The following CSKMT variants were observed in gnomAD, a reference collection of about 807,000 sequenced individuals.
CSKMT encodes the protein citrate synthase lysine methyltransferase.
A neutral mutation model predicts 4.6 loss-of-function variants in CSKMT; 6 were observed. That is an observed-to-expected ratio of 1.31 (90% CI 0.72 to 2.59). CSKMT has a LOEUF of 2.59. CSKMT is among the 30% of genes most tolerant of loss of function. The pLI is 0.00. For missense variants in CSKMT, 328 were observed against 298.0 expected, an observed-to-expected ratio of 1.10 and a Z score of -0.74; for synonymous variants, 142 against 128.9, an observed-to-expected ratio of 1.10 and a Z score of -0.69.
At position 62,667,864 on chromosome 11, in the gene CSKMT, G is replaced by A. The variant is rs995704357; in HGVS notation, c.*813G>A. ...ACAGCACTTTGGGAGGCCAAGGTGG[G>A]CAGATTGCTTGAGCCCTGGCAATAA... On this transcript the variant is annotated 3_prime_UTR_variant, in exon 3 of 3. Transcript: ENST00000532971. 6.9e-6 allele frequency: 5 copies of A among 719,950 alleles called. No homozygotes were observed. The highest frequency in any genetic ancestry group is 1.8e-5 in the African/African-American group (1 of 56,250). 44.6% of individuals were successfully genotyped at this position (719,950 alleles called of 1,614,324 possible). A position where few individuals can be genotyped will look rare whatever the true frequency, so the allele number is the denominator to read the frequency against.
In CSKMT at chr11:62,667,400, A is replaced by T. The variant is rs1422679231; in HGVS notation, c.*349A>T. On this transcript the variant is annotated 3_prime_UTR_variant, in exon 3 of 3. Transcript: ENST00000532971. Reference sequence around the variant, plus strand: ...AACCCCTGCGCTGACTGACTTGTATAATCTAGTGGCCTAACCTGTAAGCCT... The same window carrying T: ...AACCCCTGCGCTGACTGACTTGTATTATCTAGTGGCCTAACCTGTAAGCCT... 1 of 975,180 alleles carries T rather than the reference A, an allele frequency of 1.0e-6. No individual in the cohort carries two copies. Among genetic ancestry groups the T allele is most frequent in the Non-Finnish European group, 1.6e-6 (1 of 626,706 alleles). 60.4% of individuals were successfully genotyped at this position (975,180 alleles called of 1,614,324 possible).
chr11:62,666,309 C>T (rs77103448), intron 2 of CSKMT, 87 bp from the exon 3 acceptor site: 17 of 1,213,428 alleles, frequency 1.4e-5, no homozygotes, highest in East Asian at 5.1e-5. Context: ...GACCCTGTCT[C>T]AAAAAAAAAA....
intron 2 of CSKMT, 21 bp downstream of exon 2, chr11:62,665,967 TGGAGAGGGCAA>T (rs1258348108): frequency 2.5e-6 from 4 of 1,596,450 alleles, no homozygotes; most frequent in Admixed American, 3.4e-5. Flanking sequence ...GGGGGCAGAG[TGGAGAGGGCAA>T]GGTGGGGGCA....
intron 2 of CSKMT, 56 bp from the exon 3 acceptor site, chr11:62,666,340 C>T (rs1040476719): frequency 5.1e-6 from 8 of 1,565,230 alleles, no homozygotes; most frequent in African/African-American, 4.0e-5. Context: ...TGTGTATATA[C>T]GACGTTTTTG....
Position 62,665,330 on chromosome 11 carries a change from C to A in CSKMT, c.-236C>A, listed in dbSNP as rs117359740. On this transcript the variant is annotated splice_region_variant and 5_prime_UTR_variant, in exon 1 of 3. Transcript: ENST00000532971. ...GGGAGGCCTTTCGGAGGGTGGTGAG[C>A]TAGTAAGTGTGGTTTTAGCTGTAGT... 4.4e-3 allele frequency: 3,247 copies of A among 744,546 alleles called. 140 individuals carry two copies. In the East Asian group the frequency reaches 0.073, roughly 17 times the overall value. The allele number at this position is 744,546 out of a possible 1,614,324, so 46.1% of individuals were successfully genotyped here.
At chr11:62,666,181 A>G (rs1338026815) in intron 2 of CSKMT, 3 of 710,512 alleles carry the variant, frequency 4.2e-6, no homozygotes, top group East Asian at 2.7e-5. Flanking sequence ...GACCCTGTCT[A>G]CAAAAAAAAT....
rs763430769 is a variant in CSKMT, at chr11:62,667,437, C to T, written c.*386C>T. 2.1e-6 allele frequency: 3 copies of T among 1,401,648 alleles called. No homozygotes were observed. In the East Asian group the frequency reaches 6.9e-5, roughly 32 times the overall value. 86.8% of individuals were successfully genotyped at this position (1,401,648 alleles called of 1,614,324 possible). On this transcript the variant is annotated 3_prime_UTR_variant, in exon 3 of 3. Transcript: ENST00000532971. ...TAACCTGTAAGCCTCATTTTTGTCA[C>T]CTGTAAAAGGAGATTGTAAGAGGAT...
rs751155890 is a variant in CSKMT at position 62,666,425 on chromosome 11, C to T, written c.97C>T (p.Arg33Cys). The change falls in exon 3 of 3, where the codon CGC (arginine) becomes TGC (cysteine). Residue 33 changes from arginine to cysteine, a missense_variant. Arg to Cys is a radical substitution (Grantham distance 180). Coordinates refer to ENST00000532971, the MANE Select transcript of CSKMT (RefSeq NM_001043229.2). The stretch of plus-strand genomic sequence containing the variant: ...ACTGGCTGATAGTTGCCTGGCGGAC[C>T]GCTGTCTCTGGGATCGGCTGCATGC... Reference protein sequence around the residue: ...GSLADSCLADRCLWDRLHAQP... With the variant: ...GSLADSCLADCCLWDRLHAQP... The T allele has an allele frequency of 1.6e-5, 25 of 1,611,802 alleles. No individual in the cohort carries two copies. The highest frequency in any genetic ancestry group is 6.7e-5 in the Admixed American group (4 of 59,998).
chr11:62,665,443 C>T, intron 1 of CSKMT, 111 bp downstream of exon 1: 2 of 1,552,266 alleles, frequency 1.3e-6, no homozygotes, highest in Non-Finnish European at 1.7e-6. Context: ...TGGCGGGGAT[C>T]GGGCTTGTGG....
chr11:62,667,137 G>C lies in CSKMT; in HGVS notation c.*86G>C. Reference sequence around the variant, plus strand: ...TCTTTGCAAGCTATCTGGCTGCAAAGTGAGAATTTGAGTCCTGGCTTCCAC... The same window carrying C: ...TCTTTGCAAGCTATCTGGCTGCAAACTGAGAATTTGAGTCCTGGCTTCCAC... On this transcript the variant is annotated 3_prime_UTR_variant, in exon 3 of 3. Transcript: ENST00000532971. 1 of 1,388,672 alleles carries C rather than the reference G, an allele frequency of 7.2e-7. No homozygotes were observed. The highest frequency in any genetic ancestry group is 9.8e-7 in the Non-Finnish European group (1 of 1,022,070). 86.0% of individuals were successfully genotyped at this position (1,388,672 alleles called of 1,614,324 possible).
rs1205812843 is a variant in CSKMT, at chr11:62,666,871, A to G, written c.543A>G (p.Leu181=). The G allele has an allele frequency of 1.9e-6, 3 of 1,614,156 alleles. No individual in the cohort carries two copies. Among genetic ancestry groups the G allele is most frequent in the Non-Finnish European group, 2.5e-6 (3 of 1,180,042 alleles). ...GTCTGCCTAGGGCTTACCAGCTTCT[A>G]TCAGAATGCTTGAGGGTTCTAAACC... ...RGGLPRAYQL[L]SECLRVLNPQ... Residue 181 remains leucine (L), a synonymous_variant, in exon 3 of 3, where the codon CTA becomes CTG. Coordinates refer to ENST00000532971, the MANE Select transcript of CSKMT (RefSeq NM_001043229.2).
In CSKMT at chr11:62,667,978, G is replaced by A. The variant is rs1944864199; in HGVS notation, c.*927G>A. 3 of 456,134 alleles carry A rather than the reference G, an allele frequency of 6.6e-6. No individual in the cohort carries two copies. Among genetic ancestry groups the A allele is most frequent in the Non-Finnish European group, 1.2e-5 (3 of 253,192 alleles). The allele number at this position is 456,134 out of a possible 1,614,324, so 28.3% of individuals were successfully genotyped here. A position where few individuals can be genotyped will look rare whatever the true frequency, so the allele number is the denominator to read the frequency against. On this transcript the variant is annotated 3_prime_UTR_variant, in exon 3 of 3. Coordinates refer to ENST00000532971, the MANE Select transcript of CSKMT (RefSeq NM_001043229.2). The stretch of plus-strand genomic sequence containing the variant: ...AACTACTCAGGAGGCTGAGCTGGGA[G>A]GACTGCTTGAACCCTGGGAGGTCAA...
Position 62,665,641 on chromosome 11 carries a change from T to C in CSKMT, c.-233-6T>C, listed in dbSNP as rs778460771. On this transcript the variant is annotated splice_polypyrimidine_tract_variant and splice_region_variant and intron_variant, in intron 1 of 2. Coordinates refer to ENST00000532971, the MANE Select transcript of CSKMT (RefSeq NM_001043229.2). ...GGGGTGCTCACACTTTCTCATTTGA[T>C]TTCAGGTCTGCGGACGCTGTATACC... 442 of 1,515,328 alleles carry C rather than the reference T, an allele frequency of 2.9e-4. No homozygotes were observed. Among genetic ancestry groups the C allele is most frequent in the Non-Finnish European group, 3.8e-4 (430 of 1,135,446 alleles). The allele number at this position is 1,515,328 out of a possible 1,614,324, so 93.9% of individuals were successfully genotyped here. A position where few individuals can be genotyped will look rare whatever the true frequency, so the allele number is the denominator to read the frequency against.
chr11:62,667,900 C>CAA lies in CSKMT; in HGVS notation c.*849_*850insAA. ...GAGCCCTGGCAATAAAGTGACACCC[C>CAA]TAACTCTACAAAAACAAATGAGCCC... On this transcript the variant is annotated 3_prime_UTR_variant, in exon 3 of 3. Transcript: ENST00000532971. 1.6e-6 allele frequency: 1 copy of CAA among 608,580 alleles called. No homozygotes were observed. Among genetic ancestry groups the CAA allele is most frequent in the Non-Finnish European group, 2.9e-6 (1 of 343,350 alleles). 37.7% of individuals were successfully genotyped at this position (608,580 alleles called of 1,614,324 possible). A position where few individuals can be genotyped will look rare whatever the true frequency, so the allele number is the denominator to read the frequency against.
At chr11:62,665,389 C>A in intron 1 of CSKMT, 57 bp downstream of exon 1, 1 of 1,197,952 alleles carries the variant, frequency 8.3e-7, no homozygotes, top group South Asian at 1.3e-5. Context: ...GGTGGGGGTG[C>A]CGGGTGGAAG....
chr11:62,666,588 C>A lies in CSKMT; in HGVS notation c.260C>A (p.Ser87Tyr), dbSNP rs200276860. ...LRVLDVGCGT[S>Y]SLCTGLYTKS... is the part of the protein sequence containing the mutation. ...GTGCTGGATGTGGGCTGTGGGACTT[C>A]CAGCCTATGTACAGGCCTCTACACC... The change falls in exon 3 of 3, where the codon TCC (serine) becomes TAC (tyrosine). Residue 87 changes from serine to tyrosine, a missense_variant. Ser to Tyr is a moderately radical substitution (Grantham distance 144, BLOSUM62 -2). Transcript: ENST00000532971. The A allele has an allele frequency of 6.2e-7, 1 of 1,614,032 alleles. No homozygotes were observed. The highest frequency in any genetic ancestry group is 8.5e-7 in the Non-Finnish European group (1 of 1,180,016).
intron 2 of CSKMT, 74 bp from the exon 3 acceptor site, chr11:62,666,322 G>T: frequency 2.9e-6 from 4 of 1,385,648 alleles, no homozygotes; most frequent in Non-Finnish European, 4.0e-6. Flanking sequence ...AAAAAAAAAA[G>T]ACGCCAGTGT....
Position 62,667,450 on chromosome 11 carries a change from A to G in CSKMT, c.*399A>G, listed in dbSNP as rs753440716. 1 of 1,482,330 alleles carries G rather than the reference A, an allele frequency of 6.7e-7. No individual in the cohort carries two copies. Among genetic ancestry groups the G allele is most frequent in the Non-Finnish European group, 9.4e-7 (1 of 1,061,448 alleles). The allele number at this position is 1,482,330 out of a possible 1,614,324, so 91.8% of individuals were successfully genotyped here. A position where few individuals can be genotyped will look rare whatever the true frequency, so the allele number is the denominator to read the frequency against. The stretch of plus-strand genomic sequence containing the variant: ...TCATTTTTGTCACCTGTAAAAGGAG[A>G]TTGTAAGAGGATGGGTATAAGGAGC... On this transcript the variant is annotated 3_prime_UTR_variant, in exon 3 of 3. Transcript: ENST00000532971.
intron 2 of CSKMT, 198 bp from the exon 3 acceptor site, chr11:62,666,198 G>A (rs757741149): frequency 2.8e-6 from 2 of 718,766 alleles, no homozygotes; most frequent in East Asian, 5.4e-5. Flanking sequence ...AAATTAACCG[G>A]GCACGATGGC....
Sources: allele counts gnomAD v4.1 joint callset, GRCh38; gene constraint gnomAD v4.1.1; transcripts MANE v1.5; gene names NCBI Gene and HGNC (gene_info 2026-07-23, HGNC 2026-07-21).